Variants in IFT172 observed in about 807,000 individuals in gnomAD.
IFT172 encodes the protein intraflagellar transport protein 172 homolog.
In IFT172, 164 loss-of-function variants were observed where a neutral mutation model predicts 248.9. The ratio of observed to expected loss-of-function variants is 0.66; its 90% CI spans 0.58 to 0.75. The LOEUF (loss-of-function observed/expected upper bound fraction) is 0.75. IFT172 is among the 30% of genes least tolerant of loss of function. The pLI is 0.00. For missense variants in IFT172, 1,950 were observed against 2,192.4 expected (o/e 0.89, Z 2.21); for synonymous variants, 729 against 791.6 (o/e 0.92, Z 1.33).
In IFT172 at chr2:27,465,454, T is replaced by G; in HGVS notation, c.1894A>C (p.Ser632Arg). The G allele has an allele frequency of 6.2e-7, 1 of 1,614,204 alleles. No individual in the cohort carries two copies. Among genetic ancestry groups the G allele is most frequent in the Non-Finnish European group, 8.5e-7 (1 of 1,180,024 alleles). The stretch of plus-strand genomic sequence containing the variant: ...TGCCTTGCCTCTAGTGCCAGTTTAC[T>G]CAAGGTTTTCCACATTGCCTCTGTT... Reference protein sequence around the residue: ...PETEAMWKTLSKLALEARQLH... With the variant: ...PETEAMWKTLRKLALEARQLH... The change falls in exon 18 of 48, where the codon AGT (serine) becomes CGT (arginine). Residue 632 changes from serine to arginine, a missense_variant. Ser to Arg is a moderately radical substitution (Grantham distance 110). This residue lies in a region of IFT172 where 1,166 missense variants were observed against 1,254.1 expected (regional missense o/e 0.93). Transcript: ENST00000260570.
intron 36 of IFT172, 60 bp downstream of exon 36, chr2:27,449,937 TG>T: frequency 2.7e-6 from 4 of 1,469,778 alleles, no homozygotes; most frequent in Non-Finnish European, 3.8e-6. Flanking sequence ...TGGGTGTAGA[TG>T]TCACCCTTGC....
At chr2:27,456,371 G>T in intron 30 of IFT172, 140 bp downstream of exon 30, 1 of 1,132,740 alleles carries the variant, frequency 8.8e-7, no homozygotes, top group Non-Finnish European at 1.2e-6. Flanking sequence ...AGCCCCTAGG[G>T]AATAGAAGCA....
chr2:27,446,533 G>A, intron 42 of IFT172, 178 bp from the exon 43 acceptor site: 1 of 557,770 alleles, frequency 1.8e-6, no homozygotes, highest in African/African-American at 1.9e-5. Flanking sequence ...AAGACACCTG[G>A]GCCTAGGTTC....
At chr2:27,470,074 C>A (rs574977945) in intron 16 of IFT172, among the ~76,000 whole-genome samples, 1 of 151,828 alleles carries the variant, frequency 6.6e-6, no homozygotes, top group African/African-American at 2.4e-5. Flanking sequence ...AAAAAAGGTG[C>A]TTAAAGAAAT....
intron 14 of IFT172, among the ~76,000 whole-genome samples, chr2:27,472,748 A>G (rs1451370231): frequency 6.6e-6 from 1 of 152,224 alleles, no homozygotes; most frequent in Non-Finnish European, 1.5e-5. Flanking sequence ...ACTGTGTAAG[A>G]GCACTGCAAG....
chr2:27,453,150 G>A (rs1030476301), intron 35 of IFT172: 1 of 668,278 alleles, frequency 1.5e-6, no homozygotes, highest in Non-Finnish European at 2.8e-6. Flanking sequence ...TAGTAATTGA[G>A]CCATTTATTG....
chr2:27,449,607 C>T (rs1665469473), intron 37 of IFT172, 45 bp from the exon 38 acceptor site: 1 of 1,613,182 alleles, frequency 6.2e-7, no homozygotes. Flanking sequence ...TCCAGAATAC[C>T]AACCCTCCCG....
Position 27,461,123 on chromosome 2 carries a change from C to T in IFT172, c.2443-30G>A, listed in dbSNP as rs775749524. 9 of 1,614,086 alleles carry T rather than the reference C, an allele frequency of 5.6e-6. No homozygotes were observed. In the Admixed American group the frequency reaches 1.5e-4, roughly 27 times the overall value. ...TAACACATACCACATTACTATGATA[C>T]CCCTACAACACAAAGAACTAAGTAT... On this transcript the variant is annotated intron_variant, in intron 22 of 47. Transcript: ENST00000260570.
rs2148477195 is a variant in IFT172 at position 27,449,293 on chromosome 2, C to T, written c.4311+1G>A. 1 of 1,614,102 alleles carries T rather than the reference C, an allele frequency of 6.2e-7. No individual in the cohort carries two copies. On this transcript the variant is annotated splice_donor_variant, in intron 39 of 47. Transcript: ENST00000260570. LOFTEE classifies it high-confidence loss of function. ...AACTGGGAATGGGAAGAGAGCAGTACCTGCTTGGTAGCTGTTTCAATGCAC... is the reference window on the plus strand; with the variant it reads ...AACTGGGAATGGGAAGAGAGCAGTATCTGCTTGGTAGCTGTTTCAATGCAC...
At chr2:27,450,411 G>A (rs1665550244) in intron 35 of IFT172, among the ~76,000 whole-genome samples, 4 of 152,072 alleles carry the variant, frequency 2.6e-5, no homozygotes, top group African/African-American at 7.2e-5. Context: ...TAAAATCTTC[G>A]TAGCAGAGTA....
At position 27,465,757 on chromosome 2, in the gene IFT172, G is replaced by C. The variant is rs778909957; in HGVS notation, c.1818C>G (p.Gly606=). ...GGCCAGCCTCTCACCGGATGTAGTT[G>C]CCATCATCAATGGCTGTTCCAAACT... ...LIEFGTAIDD[G]NYIRATAFLE... is the part of the protein sequence containing the mutation. The change falls in exon 17 of 48, where the codon GGC becomes GGG. Residue 606 remains glycine, a synonymous_variant. Transcript: ENST00000260570. 2 of 1,614,024 alleles carry C rather than the reference G, an allele frequency of 1.2e-6. No individual in the cohort carries two copies. Among genetic ancestry groups the C allele is most frequent in the Non-Finnish European group, 1.7e-6 (2 of 1,180,014 alleles).
chr2:27,449,707 T>C lies in IFT172; in HGVS notation c.4144A>G (p.Lys1382Glu). The C allele has an allele frequency of 6.2e-7, 1 of 1,613,320 alleles. No individual in the cohort carries two copies. The change falls in exon 37 of 48, where the codon AAG (lysine) becomes GAG (glutamate). Residue 1382 changes from lysine to glutamate, a missense_variant. By Grantham distance (56) the Lys-to-Glu change is moderately conservative. Transcript: ENST00000260570. The part of the protein sequence containing the change: ...EEWNKAKRVA[K>E]ELDPRYEDYV... ...CAAGCTTACCTGGGATCTAACTCCT[T>C]AGCTACACGCTTCGCCTTGTTCCAC...
At chr2:27,444,947 A>C (rs1261738260) in intron 47 of IFT172, 67 bp downstream of exon 47, 41 of 1,549,876 alleles carry the variant, frequency 2.6e-5, no homozygotes, top group Non-Finnish European at 7.9e-6. Context: ...CTGCACCCAG[A>C]CTTGTTTTTT....
At chr2:27,481,425 T>TCACACACACACACA (rs71401571) in intron 7 of IFT172, among the ~76,000 whole-genome samples, 165 bp from the exon 8 acceptor site, 1 of 145,160 alleles carries the variant, frequency 6.9e-6, no homozygotes, top group African/African-American at 2.5e-5. Context: ...TCACAAATTG[T>TCACACACACACACA]CACACACACA....
chr2:27,448,937 T>C lies in IFT172; in HGVS notation c.4406A>G (p.His1469Arg), dbSNP rs754662548. ...TACCTGTGGGTTAGCAGGGGCTCCG[T>C]GCTGTACATACAGGGCCAATGCCTG... Reference protein sequence around the residue: ...SAQALALYVQHGAPANPQNFN... With the variant: ...SAQALALYVQRGAPANPQNFN... Residue 1469 changes from histidine (H) to arginine (R), a missense_variant, in exon 40 of 48, where the codon CAC (histidine) becomes CGC (arginine). Transcript: ENST00000260570. 6.3e-6 allele frequency: 10 copies of C among 1,594,460 alleles called. No homozygotes were observed. Among genetic ancestry groups the C allele is most frequent in the East Asian group, 2.2e-5 (1 of 44,812 alleles).
chr2:27,479,969 A>G, intron 9 of IFT172, 57 bp downstream of exon 9: 2 of 1,581,632 alleles, frequency 1.3e-6, no homozygotes, highest in Non-Finnish European at 1.7e-6. Flanking sequence ...ATAAGGCAGG[A>G]TTTTTTTCTA....
Position 27,458,278 on chromosome 2 carries a change from G to C in IFT172, c.2878-55C>G. 7 of 1,451,978 alleles carry C rather than the reference G, an allele frequency of 4.8e-6. No homozygotes were observed. The South Asian group carries it at 8.0e-5, about 17-fold the overall frequency. The allele number at this position is 1,451,978 out of a possible 1,614,324, so 89.9% of individuals were successfully genotyped here. On this transcript the variant is annotated intron_variant, in intron 26 of 47. Coordinates refer to ENST00000260570, the MANE Select transcript of IFT172 (RefSeq NM_015662.3). ...AGATCCAATTCCCCAGGGAAGCAGG[G>C]CTTCAAGGAAACCTGCTTGTTCAGA...
At chr2:27,489,255 T>C (rs73921545) in intron 1 of IFT172, among the ~76,000 whole-genome samples, 5,375 of 152,280 alleles carry the variant, frequency 0.035, 295 homozygotes, top group African/African-American at 0.12. Flanking sequence ...CTTCAGGGCT[T>C]GCACCTAAGG....
rs769020119 is a variant in IFT172 at position 27,483,362 on chromosome 2, C to T, written c.497G>A (p.Gly166Glu). 6 of 1,605,654 alleles carry T rather than the reference C, an allele frequency of 3.7e-6. No homozygotes were observed. The highest frequency in any genetic ancestry group is 5.1e-6 in the Non-Finnish European group (6 of 1,172,346). Reference protein sequence around the residue: ...VSLTTNCSGKGILSGHADGTI... With the variant: ...VSLTTNCSGKEILSGHADGTI... Reference sequence around the variant, plus strand: ...ACCATCTGCATGACCAGAGAGAATTCCTTTCCCAGAGCAACTAAAAAAGGA... The same window carrying T: ...ACCATCTGCATGACCAGAGAGAATTTCTTTCCCAGAGCAACTAAAAAAGGA... The change falls in exon 7 of 48, where the codon GGA (glycine) becomes GAA (glutamate). Residue 166 changes from glycine to glutamate, a missense_variant. Around this residue, in one of 3 missense-constraint regions of IFT172, gnomAD observed 1,166 missense variants for 1,254.1 expected, o/e 0.93. Coordinates refer to ENST00000260570, the MANE Select transcript of IFT172 (RefSeq NM_015662.3).
Sources: allele counts gnomAD v4.1 joint callset (sites outside exome capture counted in the v4.1 genomes callset), GRCh38; gene constraint gnomAD v4.1.1; regional missense constraint gnomAD v4.1.1; transcripts MANE v1.5; gene names NCBI Gene and HGNC (gene_info 2026-07-23, HGNC 2026-07-21).